Variants in MPLKIP observed in about 807,000 individuals in gnomAD.
The protein encoded by MPLKIP is M-phase-specific PLK1-interacting protein.
Under a neutral mutation model 16.9 loss-of-function variants are expected in MPLKIP, and 16 were observed. The observed-to-expected ratio is 0.94, with a 90% CI of 0.64 to 1.43. The LOEUF (loss-of-function observed/expected upper bound fraction) is 1.43. Among genes scored for constraint, MPLKIP ranks in the 40% most tolerant of loss-of-function variants. The probability of loss-of-function intolerance (pLI) is 0.00; values close to 1 mark genes in which losing one functional copy is unlikely to be tolerated. For synonymous variants in MPLKIP, 126 were observed against 98.4 expected (o/e 1.28, Z -1.66); for missense variants, 282 against 237.6 (o/e 1.19, Z -1.23).
chr7:40,133,263 T>C lies in MPLKIP; in HGVS notation c.340-4A>G. On this transcript the variant is annotated splice_polypyrimidine_tract_variant and splice_region_variant and intron_variant, in intron 1 of 1. Coordinates refer to ENST00000306984, the MANE Select transcript of MPLKIP (RefSeq NM_138701.4). ...GTGTAGATGTCCTTGGAGAACCCTT[T>C]AGAAAAAAAATCAGTTAAAAAAACA... 2 of 1,610,020 alleles carry C rather than the reference T, an allele frequency of 1.2e-6. No individual in the cohort carries two copies.
At chr7:40,133,886 TAAAAAAAA>T (rs34937720) in intron 1 of MPLKIP, among the ~76,000 whole-genome samples, 2 of 105,556 alleles carry the variant, frequency 1.9e-5, no homozygotes, top group African/African-American at 7.0e-5. Context: ...GAAAGAAAGA[TAAAAAAAA>T]AAAAAAAAAA....
intron 1 of MPLKIP, among the ~76,000 whole-genome samples, chr7:40,133,527 GTAAT>G (rs1787507679): frequency 1.3e-5 from 2 of 152,268 alleles, no homozygotes; most frequent in South Asian, 2.1e-4. Context: ...TAACTTTGCA[GTAAT>G]TAAATACAAG....
chr7:40,133,886 T>TAAAAA (rs34937720), intron 1 of MPLKIP, among the ~76,000 whole-genome samples: 62 of 105,456 alleles, frequency 5.9e-4, no homozygotes, highest in African/African-American at 1.1e-3. Context: ...GAAAGAAAGA[T>TAAAAA]AAAAAAAAAA....
At position 40,132,564 on chromosome 7, in the gene MPLKIP, CTG is replaced by C. The variant is rs778862646; in HGVS notation, c.*493_*494del. 1.6e-5 allele frequency: 3 copies of C among 187,040 alleles called. No homozygotes were observed. Among genetic ancestry groups the C allele is most frequent in the Non-Finnish European group, 3.4e-5 (3 of 88,826 alleles). The allele number at this position is 187,040 out of a possible 1,614,324, so 11.6% of individuals were successfully genotyped here. A position where few individuals can be genotyped will look rare whatever the true frequency, so the allele number is the denominator to read the frequency against. ...AGATAAAATGAGTATGAACAGAACTCTGTTATTCTCATCCTCATTATTTACGA... is the reference window on the plus strand; with the variant it reads ...AGATAAAATGAGTATGAACAGAACTCTTATTCTCATCCTCATTATTTACGA... On this transcript the variant is annotated 3_prime_UTR_variant, in exon 2 of 2. Transcript: ENST00000306984.
At position 40,131,312 on chromosome 7, in the gene MPLKIP, G is replaced by A. The variant is rs1246798976; in HGVS notation, c.*1747C>T. 6.6e-6 allele frequency: 1 copy of A among 152,028 alleles called. No homozygotes were observed. Among genetic ancestry groups the A allele is most frequent in the Non-Finnish European group, 1.5e-5 (1 of 68,010 alleles). 9.4% of individuals were successfully genotyped at this position (152,028 alleles called of 1,614,324 possible). A position where few individuals can be genotyped will look rare whatever the true frequency, so the allele number is the denominator to read the frequency against. ...AGGTGTGACCATTTTGTTTTTACAC[G>A]TTTCTTTCTGGGAATGTTGAAACAA... On this transcript the variant is annotated 3_prime_UTR_variant, in exon 2 of 2. Coordinates refer to ENST00000306984, the MANE Select transcript of MPLKIP (RefSeq NM_138701.4).
rs1267265 is a variant in MPLKIP, at chr7:40,126,690, G to A, written c.*6369C>T. On this transcript the variant is annotated 3_prime_UTR_variant, in exon 2 of 2. Transcript: ENST00000306984. Reference sequence around the variant, plus strand: ...GATCTGCCCGCCTCGGCCTCCCAAAGTGCTGGGATTACAGGCGTGAGCCAC... The same window carrying A: ...GATCTGCCCGCCTCGGCCTCCCAAAATGCTGGGATTACAGGCGTGAGCCAC... The A allele has an allele frequency of 6.6e-6, 1 of 152,190 alleles. No homozygotes were observed. Among genetic ancestry groups the A allele is most frequent in the African/African-American group, 2.4e-5 (1 of 41,424 alleles). 9.4% of individuals were successfully genotyped at this position (152,190 alleles called of 1,614,324 possible).
In MPLKIP at chr7:40,134,253, T is replaced by TG; in HGVS notation, c.314dup (p.Gly106ArgfsTer23). 6.4e-7 allele frequency: 1 copy of TG among 1,559,244 alleles called. No homozygotes were observed. The highest frequency in any genetic ancestry group is 8.7e-7 in the Non-Finnish European group (1 of 1,151,448). On this transcript the variant is annotated frameshift_variant, in exon 1 of 2. Transcript: ENST00000306984. LOFTEE classifies it high-confidence loss of function. The stretch of plus-strand genomic sequence containing the variant: ...CCTGGGGGTGGGTCTGCTGCTGCCC[T>TG]GGGGAGTAGCCGAATTGCTGCTGGG...
rs542329314 is a variant in MPLKIP at position 40,133,364 on chromosome 7, C to G, written c.340-105G>C. The G allele has an allele frequency of 1.4e-5, 14 of 976,828 alleles. No homozygotes were observed. The East Asian group carries it at 2.9e-4, about 20-fold the overall frequency. The allele number at this position is 976,828 out of a possible 1,614,324, so 60.5% of individuals were successfully genotyped here. Reference sequence around the variant, plus strand: ...TCACATTGCTGCTTAAAAGTTGTGACTTGAACCTAAATAATGTTCAATTAC... The same window carrying G: ...TCACATTGCTGCTTAAAAGTTGTGAGTTGAACCTAAATAATGTTCAATTAC... On this transcript the variant is annotated intron_variant, in intron 1 of 1. Coordinates refer to ENST00000306984, the MANE Select transcript of MPLKIP (RefSeq NM_138701.4).
rs913720684 is a variant in MPLKIP, at chr7:40,134,604, C to G, written c.-37G>C. On this transcript the variant is annotated 5_prime_UTR_variant, in exon 1 of 2. Coordinates refer to ENST00000306984, the MANE Select transcript of MPLKIP (RefSeq NM_138701.4). ...AAGCCGAAAACCTCGCAGCCGCGTT[C>G]TCCCACCGGAACTGTATCAACCGGC... 5 of 1,547,202 alleles carry G rather than the reference C, an allele frequency of 3.2e-6. No individual in the cohort carries two copies. In the Admixed American group the frequency reaches 9.7e-5, roughly 30 times the overall value.
rs773016202 is a variant in MPLKIP, at chr7:40,133,011, T to C, written c.*48A>G. On this transcript the variant is annotated 3_prime_UTR_variant, in exon 2 of 2. Transcript: ENST00000306984. ...TATATCAACACAACTTAAAGTTTTG[T>C]CCAAGATGTTCCTGACACATGAAGC... The C allele has an allele frequency of 6.5e-7, 1 of 1,534,692 alleles. No homozygotes were observed. The highest frequency in any genetic ancestry group is 1.4e-5 in the African/African-American group (1 of 73,444).
Position 40,134,412 on chromosome 7 carries a change from C to G in MPLKIP, c.156G>C (p.Pro52=), listed in dbSNP as rs1285595361. 6.4e-7 allele frequency: 1 copy of G among 1,563,188 alleles called. No homozygotes were observed. Among genetic ancestry groups the G allele is most frequent in the Non-Finnish European group, 8.7e-7 (1 of 1,155,966 alleles). Residue 52 remains proline (P), a synonymous_variant, in exon 1 of 2, where the codon CCG becomes CCC. Coordinates refer to ENST00000306984, the MANE Select transcript of MPLKIP (RefSeq NM_138701.4). ...ACGGCCTAGACCGGGGCCCGTACGGCGGCGTGTGGTGCGGACTCCCGTACC... is the reference window on the plus strand; with the variant it reads ...ACGGCCTAGACCGGGGCCCGTACGGGGGCGTGTGGTGCGGACTCCCGTACC... ...RDGYGSPHHT[P]PYGPRSRPYG...
At position 40,133,220 on chromosome 7, in the gene MPLKIP, C is replaced by A. The variant is rs778981928; in HGVS notation, c.379G>T (p.Val127Phe). The change falls in exon 2 of 2, where the codon GTT (valine) becomes TTT (phenylalanine). Residue 127 changes from valine (V) to phenylalanine (F), a missense_variant. Physicochemically the swap from Val to Phe is conservative, Grantham distance 50. Transcript: ENST00000306984. ...TCATTAGACATTCTTTTTTCTCTAA[C>A]ACGCCCTGATCCAAATGGTGTAGAT... ...RTSTPFGSGR[V>F]REKRMSNELE... 4 of 1,613,484 alleles carry A rather than the reference C, an allele frequency of 2.5e-6. No individual in the cohort carries two copies. In the African/African-American group the frequency reaches 5.3e-5, roughly 22 times the overall value.
chr7:40,129,929 T>C lies in MPLKIP; in HGVS notation c.*3130A>G, dbSNP rs753726507. The C allele has an allele frequency of 1.3e-5, 2 of 152,200 alleles. No individual in the cohort carries two copies. The highest frequency in any genetic ancestry group is 2.9e-5 in the Non-Finnish European group (2 of 68,032). 9.4% of individuals were successfully genotyped at this position (152,200 alleles called of 1,614,324 possible). On this transcript the variant is annotated 3_prime_UTR_variant, in exon 2 of 2. Transcript: ENST00000306984. ...TGCAAAACACAACTTGCCATAGGTT[T>C]CTTTTGTAAAATGGGAGACCAGTGA... is the stretch of plus-strand genomic sequence containing the variant.
chr7:40,134,414 G>C lies in MPLKIP; in HGVS notation c.154C>G (p.Pro52Ala). ...GGCCTAGACCGGGGCCCGTACGGCG[G>C]CGTGTGGTGCGGACTCCCGTACCCG... ...RDGYGSPHHT[P>A]PYGPRSRPYG... is the part of the protein sequence containing the mutation. The change falls in exon 1 of 2, where the codon CCG (proline) becomes GCG (alanine). Residue 52 changes from proline to alanine, a missense_variant. By Grantham distance (27) the Pro-to-Ala change is conservative. Transcript: ENST00000306984. 2.6e-6 allele frequency: 4 copies of C among 1,563,706 alleles called. No individual in the cohort carries two copies. The highest frequency in any genetic ancestry group is 3.5e-6 in the Non-Finnish European group (4 of 1,156,160).
In MPLKIP at chr7:40,134,581, G is replaced by C. The variant is rs1327948199; in HGVS notation, c.-14C>G. 7 of 1,576,200 alleles carry C rather than the reference G, an allele frequency of 4.4e-6. No homozygotes were observed. Among genetic ancestry groups the C allele is most frequent in the Non-Finnish European group, 6.0e-6 (7 of 1,164,098 alleles). Reference sequence around the variant, plus strand: ...CTGTCGCTGCATATCAGGAGCCAAAGCCGAAAACCTCGCAGCCGCGTTCTC... The same window carrying C: ...CTGTCGCTGCATATCAGGAGCCAAACCCGAAAACCTCGCAGCCGCGTTCTC... On this transcript the variant is annotated 5_prime_UTR_variant, in exon 1 of 2. Coordinates refer to ENST00000306984, the MANE Select transcript of MPLKIP (RefSeq NM_138701.4).
rs1047375618 is a variant in MPLKIP, at chr7:40,132,990, T to G, written c.*69A>C. 1.5e-6 allele frequency: 2 copies of G among 1,373,626 alleles called. No individual in the cohort carries two copies. The highest frequency in any genetic ancestry group is 2.4e-5 in the South Asian group (2 of 83,978). The allele number at this position is 1,373,626 out of a possible 1,614,324, so 85.1% of individuals were successfully genotyped here. ...GTCATCATCTTTGGGTAAATTTATA[T>G]CAACACAACTTAAAGTTTTGTCCAA... On this transcript the variant is annotated 3_prime_UTR_variant, in exon 2 of 2. Transcript: ENST00000306984.
At position 40,132,594 on chromosome 7, in the gene MPLKIP, A is replaced by C. The variant is rs776653744; in HGVS notation, c.*465T>G. The C allele has an allele frequency of 1.0e-5, 2 of 197,446 alleles. No individual in the cohort carries two copies. The highest frequency in any genetic ancestry group is 2.1e-5 in the Non-Finnish European group (2 of 94,954). The allele number at this position is 197,446 out of a possible 1,614,324, so 12.2% of individuals were successfully genotyped here. On this transcript the variant is annotated 3_prime_UTR_variant, in exon 2 of 2. Transcript: ENST00000306984. ...ATTCTCATCCTCATTATTTACGAACAAATACAGAGCTGTCTACAGCTCAAA... is the reference window on the plus strand; with the variant it reads ...ATTCTCATCCTCATTATTTACGAACCAATACAGAGCTGTCTACAGCTCAAA...
chr7:40,134,482 C>A lies in MPLKIP; in HGVS notation c.86G>T (p.Gly29Val). 1 of 1,576,968 alleles carries A rather than the reference C, an allele frequency of 6.3e-7. No individual in the cohort carries two copies. The highest frequency in any genetic ancestry group is 8.6e-7 in the Non-Finnish European group (1 of 1,163,072). Residue 29 changes from glycine to valine, a missense_variant, in exon 1 of 2, where the codon GGA (glycine) becomes GTA (valine). By Grantham distance (109) the Gly-to-Val change is moderately radical (BLOSUM62 -3). Transcript: ENST00000306984. ...CCGTGGTCCGCCCCCGCCCGGGGTT[C>A]CCCGGAAGCTGCTTCCGCTACCCCA... is the stretch of plus-strand genomic sequence containing the variant. ...GGWGSGSSFR[G>V]TPGGGGPRPP...
rs1787471118 is a variant in MPLKIP, at chr7:40,132,059, T to G, written c.*1000A>C. On this transcript the variant is annotated 3_prime_UTR_variant, in exon 2 of 2. Coordinates refer to ENST00000306984, the MANE Select transcript of MPLKIP (RefSeq NM_138701.4). Reference sequence around the variant, plus strand: ...TTTTAAAAAATAGTTGGGGTAACAATTCTTCCATATTTTTCTCTCCAGAAC... The same window carrying G: ...TTTTAAAAAATAGTTGGGGTAACAAGTCTTCCATATTTTTCTCTCCAGAAC... 1 of 152,128 alleles carries G rather than the reference T, an allele frequency of 6.6e-6. No individual in the cohort carries two copies. Among genetic ancestry groups the G allele is most frequent in the South Asian group, 2.1e-4 (1 of 4,828 alleles). The allele number at this position is 152,128 out of a possible 1,614,324, so 9.4% of individuals were successfully genotyped here.
Sources: allele counts gnomAD v4.1 joint callset (sites outside exome capture counted in the v4.1 genomes callset), GRCh38; gene constraint gnomAD v4.1.1; transcripts MANE v1.5; gene names NCBI Gene and HGNC (gene_info 2026-07-23, HGNC 2026-07-21).